VWA3B: variants seen among roughly 807,000 people sequenced by gnomAD.
VWA3B encodes von Willebrand factor A domain-containing protein 3B.
A neutral mutation model predicts 158.3 loss-of-function variants in VWA3B; 138 were observed. That is an observed-to-expected ratio of 0.87 (90% CI 0.76 to 1.00). The LOEUF (loss-of-function observed/expected upper bound fraction) is 1.00, where lower values mean the gene tolerates loss of function less well. VWA3B is among the 50% of genes least tolerant of loss of function. The pLI is 0.00. For missense variants in VWA3B, 1,555 were observed against 1,565.1 expected (o/e 0.99, Z 0.11); for synonymous variants, 596 against 587.3 (o/e 1.01, Z -0.21).
intron 13 of VWA3B, chr2:98,216,636 A>T: frequency 2.2e-6 from 1 of 454,982 alleles, no homozygotes; most frequent in Admixed American, 2.4e-5. Context: ...AGCTGTTTAG[A>T]CTCAGAGCAG....
intron 10 of VWA3B, 100 bp from the exon 11 acceptor site, chr2:98,192,798 C>T (rs1681702498): frequency 9.3e-6 from 14 of 1,512,646 alleles, no homozygotes; most frequent in Admixed American, 5.1e-5. Flanking sequence ...AACAACATAG[C>T]GCAGCTCTGT....
chr2:98,092,838 A>ATATATATAT (rs1237733823), intron 1 of VWA3B, among the ~76,000 whole-genome samples: 2 of 126,016 alleles, frequency 1.6e-5, no homozygotes, highest in East Asian at 4.5e-4. Context: ...ATATATATAT[A>ATATATATAT]TATATATATA....
rs371412796 is a variant in VWA3B at position 98,285,150 on chromosome 2, C to T, written c.3046-5361C>T. 2.6e-5 allele frequency among the ~76,000 whole-genome samples: 4 copies of T among 152,240 alleles called. No homozygotes were observed. The East Asian group carries it at 5.8e-4, about 22-fold the overall frequency. On this transcript the variant is annotated intron_variant, in intron 22 of 27. Transcript: ENST00000477737. ...TTACTACTACAATCCAGTTTTAGAA[C>T]GTTATCTTCCTCCTAACAAGATCCC...
intron 8 of VWA3B, among the ~76,000 whole-genome samples, chr2:98,171,605 C>A (rs1679593471): frequency 6.6e-6 from 1 of 151,934 alleles, no homozygotes; most frequent in Admixed American, 6.6e-5. Context: ...TACAGGGGTT[C>A]ACCCTCAATT....
the VWA3B span, among the ~76,000 whole-genome samples, chr2:98,320,635 CT>C: frequency 6.6e-5 from 10 of 152,294 alleles, no homozygotes; most frequent in South Asian, 2.1e-3. Context: ...TAAAGGTTGC[CT>C]TTGCTATGCA....
chr2:98,121,750 G>A (rs1674988665), intron 5 of VWA3B, among the ~76,000 whole-genome samples: 1 of 152,028 alleles, frequency 6.6e-6, no homozygotes, highest in South Asian at 2.1e-4. Flanking sequence ...CACACCCACC[G>A]AGCACCGAGA....
intron 7 of VWA3B, among the ~76,000 whole-genome samples, chr2:98,141,101 TTGAC>T (rs1274860251): frequency 1.3e-5 from 2 of 152,210 alleles, no homozygotes; most frequent in Non-Finnish European, 2.9e-5. Flanking sequence ...CAGCCGCCCA[TTGAC>T]TGTGGTGACA....
Position 98,125,387 on chromosome 2 carries a change from G to A in VWA3B, c.703-2852G>A, listed in dbSNP as rs1222514062. ...TTGCCACAAATAGCACAGCGTAGCC[G>A]TGGACAGCAAGGGCAGGGCTTGTGG... On this transcript the variant is annotated intron_variant, in intron 5 of 27. Transcript: ENST00000477737. This position sits in a 1 kb window ranked among gnomAD's most constrained non-coding sequence, Gnocchi z 4.1. Among the ~76,000 whole-genome samples, 2 of 152,210 alleles carry A rather than the reference G, an allele frequency of 1.3e-5. No homozygotes were observed. Among genetic ancestry groups the A allele is most frequent in the East Asian group, 1.9e-4 (1 of 5,192 alleles).
intron 2 of VWA3B, among the ~76,000 whole-genome samples, chr2:98,111,149 T>C (rs1674103970): frequency 6.6e-6 from 1 of 152,190 alleles, no homozygotes; most frequent in Non-Finnish European, 1.5e-5. Context: ...TATTTTTCTC[T>C]GCATGTCTGT....
intron 8 of VWA3B, among the ~76,000 whole-genome samples, chr2:98,174,524 G>A (rs1381192743): frequency 6.6e-6 from 1 of 152,206 alleles, no homozygotes; most frequent in Non-Finnish European, 1.5e-5. Flanking sequence ...CAAAAACAAT[G>A]AGAGGTGATT....
chr2:98,236,829 T>C (rs1685726154), intron 19 of VWA3B, 99 bp downstream of exon 19: 1 of 1,454,634 alleles, frequency 6.9e-7, no homozygotes, highest in Admixed American at 2.2e-5. Flanking sequence ...CAGAAATGTA[T>C]TTTAGCCACT....
chr2:98,163,170 T>A (rs1678776812), intron 8 of VWA3B, among the ~76,000 whole-genome samples, 194 bp downstream of exon 8: 1 of 152,106 alleles, frequency 6.6e-6, no homozygotes, highest in African/African-American at 2.4e-5. Flanking sequence ...CATGTGTGTG[T>A]GTGTGTGCCC....
intron 19 of VWA3B, among the ~76,000 whole-genome samples, chr2:98,240,479 TGGA>T (rs1686009650): frequency 6.6e-6 from 1 of 152,222 alleles, no homozygotes; most frequent in Non-Finnish European, 1.5e-5. Flanking sequence ...GTCAGATGGC[TGGA>T]CCCAAAGGGT....
At chr2:98,098,502 T>C (rs1392734750) in intron 2 of VWA3B, among the ~76,000 whole-genome samples, 4 of 152,158 alleles carry the variant, frequency 2.6e-5, no homozygotes, top group Admixed American at 6.5e-5. Flanking sequence ...TGACTTAAAA[T>C]ATATTTTATC....
chr2:98,159,127 T>G (rs1242903285), intron 7 of VWA3B, among the ~76,000 whole-genome samples: 1 of 152,200 alleles, frequency 6.6e-6, no homozygotes, highest in Non-Finnish European at 1.5e-5. Flanking sequence ...TCATTTTATT[T>G]GTCAAACTAG....
chr2:98,133,584 C>T, intron 6 of VWA3B: 1 of 475,886 alleles, frequency 2.1e-6, no homozygotes, highest in Non-Finnish European at 3.7e-6. Flanking sequence ...GCTAATTTAC[C>T]CTCTAATGAA....
At position 98,267,593 on chromosome 2, in the gene VWA3B, A is replaced by T. The variant is rs542732270; in HGVS notation, c.2844-3089A>T. ...ATGCCCACAAGAGAGAGCAGGAAAG[A>T]TCCAAAATTGACACCCTAACATCAC... is the stretch of plus-strand genomic sequence containing the variant. On this transcript the variant is annotated intron_variant, in intron 21 of 27. Coordinates refer to ENST00000477737, the MANE Select transcript of VWA3B (RefSeq NM_144992.5). Among the ~76,000 whole-genome samples the T allele has an allele frequency of 1.3e-4, 20 of 152,264 alleles. No homozygotes were observed. In the South Asian group the frequency reaches 4.1e-3, roughly 32 times the overall value.
rs768000550 is a variant in VWA3B, at chr2:98,297,983, C to T, written c.3234C>T (p.Thr1078=). The change falls in exon 24 of 28, where the codon ACC becomes ACT. Residue 1078 remains threonine, a synonymous_variant. Coordinates refer to ENST00000477737, the MANE Select transcript of VWA3B (RefSeq NM_144992.5). ...ACGGAGACACCAAGGTCGTGTCCAC[C>T]TCCTTCATCACGCCTGTGGGGGGCG... ...FSYGDTKVVS[T]SFITPVGGAM... 3.8e-6 allele frequency: 6 copies of T among 1,588,656 alleles called. No homozygotes were observed. Among genetic ancestry groups the T allele is most frequent in the Non-Finnish European group, 5.1e-6 (6 of 1,167,572 alleles).
intron 26 of VWA3B, among the ~76,000 whole-genome samples, chr2:98,307,656 G>A (rs1418133808): frequency 2.6e-5 from 4 of 152,130 alleles, no homozygotes; most frequent in African/African-American, 4.8e-5. Context: ...GAAGTTACTC[G>A]TTATTCCTAA....
Sources: allele counts gnomAD v4.1 joint callset (sites outside exome capture counted in the v4.1 genomes callset), GRCh38; gene constraint gnomAD v4.1.1; non-coding constraint Gnocchi (gnomAD v3.1); transcripts MANE v1.5; gene names NCBI Gene and HGNC (gene_info 2026-07-23, HGNC 2026-07-21).